Variants in NPRL3 observed in about 807,000 individuals in gnomAD.
NPRL3 encodes NPR3 like, GATOR1 complex subunit, also known as GATOR1 complex protein NPRL3.
In NPRL3, 23 loss-of-function variants were observed where a neutral mutation model predicts 57.2. The ratio of observed to expected loss-of-function variants is 0.40; its 90% CI spans 0.29 to 0.57. The LOEUF (loss-of-function observed/expected upper bound fraction) is 0.57. NPRL3 is among the 20% of genes least tolerant of loss of function. NPRL3 has a pLI of 0.42. For missense variants in NPRL3, 691 were observed against 767.1 expected (o/e 0.90, Z 1.17); for synonymous variants, 333 against 321.1 (o/e 1.04, Z -0.39).
Position 86,514 on chromosome 16 carries a change from C to T in NPRL3, c.*191G>A. The stretch of plus-strand genomic sequence containing the variant: ...CGTAGGAACACAGAGGGCAGCAGCC[C>T]CACAGCGGAACCACCAGGGGCAAGG... On this transcript the variant is annotated 3_prime_UTR_variant, in exon 14 of 14. Coordinates refer to ENST00000611875, the MANE Select transcript of NPRL3 (RefSeq NM_001077350.3). 1.7e-6 allele frequency: 1 copy of T among 600,920 alleles called. No individual in the cohort carries two copies. 37.2% of individuals were successfully genotyped at this position (600,920 alleles called of 1,614,324 possible).
intron 3 of NPRL3, 75 bp from the exon 4 acceptor site, chr16:119,330 C>A: frequency 2.1e-6 from 3 of 1,455,622 alleles, no homozygotes; most frequent in Admixed American, 2.0e-5. Flanking sequence ...GGCCCCAGAG[C>A]GGAAGGGTCT....
chr16:122,963 C>T (rs1026462911), intron 3 of NPRL3, among the ~76,000 whole-genome samples: 2 of 152,188 alleles, frequency 1.3e-5, no homozygotes, highest in African/African-American at 4.8e-5. Flanking sequence ...GCCCGTCATC[C>T]GTGCCCTCCT....
At position 86,792 on chromosome 16, in the gene NPRL3, G is replaced by A. The variant is rs1381874761; in HGVS notation, c.1623C>T (p.Leu541=). The A allele has an allele frequency of 5.6e-6, 9 of 1,610,420 alleles. No individual in the cohort carries two copies. In the Admixed American group the frequency reaches 8.4e-5, roughly 15 times the overall value. The part of the protein sequence containing the change: ...YNENTRRSQL[L]MLFDKFRSVL... Reference sequence around the variant, plus strand: ...CGCTGCGGAACTTGTCAAACAGCATGAGCAGCTGGGAGCGCCGCGTGTTCT... The same window carrying A: ...CGCTGCGGAACTTGTCAAACAGCATAAGCAGCTGGGAGCGCCGCGTGTTCT... The change falls in exon 14 of 14, where the codon CTC becomes CTT. Residue 541 remains leucine (L), a synonymous_variant. Transcript: ENST00000611875.
At chr16:104,292 C>CA (rs1360175852) in intron 7 of NPRL3, among the ~76,000 whole-genome samples, 38 of 151,062 alleles carry the variant, frequency 2.5e-4, no homozygotes, top group Non-Finnish European at 1.8e-4. Flanking sequence ...GACCCTGTCT[C>CA]AAAAAAAATT....
chr16:94,353 C>T (rs968966439), intron 9 of NPRL3, among the ~76,000 whole-genome samples: 3 of 152,242 alleles, frequency 2.0e-5, no homozygotes, highest in Non-Finnish European at 4.4e-5. Flanking sequence ...GCCCAGGACA[C>T]CACTCCACCC....
At chr16:94,841 G>A (rs1233580326) in intron 9 of NPRL3, among the ~76,000 whole-genome samples, 1 of 152,086 alleles carries the variant, frequency 6.6e-6, no homozygotes, top group Non-Finnish European at 1.5e-5. Flanking sequence ...CCCCAGCTCT[G>A]CTCAGCATAG....
rs369667817 is a variant in NPRL3 at position 105,572 on chromosome 16, G to C, written c.629+4953C>G. Among the ~76,000 whole-genome samples the C allele has an allele frequency of 5.7e-4, 87 of 152,306 alleles. 1 individual carries two copies. Among genetic ancestry groups the C allele is most frequent in the Middle Eastern group, 3.4e-3 (1 of 294 alleles). ...TGCTCTCGACAGTTTGCAGTGCAAGGCTCCGCACCAAGTACCACCTACCCA... is the reference window on the plus strand; with the variant it reads ...TGCTCTCGACAGTTTGCAGTGCAAGCCTCCGCACCAAGTACCACCTACCCA... On this transcript the variant is annotated intron_variant, in intron 7 of 13. Coordinates refer to ENST00000611875, the MANE Select transcript of NPRL3 (RefSeq NM_001077350.3).
intron 3 of NPRL3, among the ~76,000 whole-genome samples, chr16:123,284 G>C (rs1900357816): frequency 6.6e-6 from 1 of 152,056 alleles, no homozygotes; most frequent in Non-Finnish European, 1.5e-5. Flanking sequence ...GCCATGCCTT[G>C]GCCTCTCAGG....
At chr16:100,546 C>A (rs1899237742) in intron 7 of NPRL3, 37 bp from the exon 8 acceptor site, 1 of 1,484,402 alleles carries the variant, frequency 6.7e-7, no homozygotes, top group Non-Finnish European at 9.0e-7. Context: ...TTCACATAAA[C>A]TTTCTAACCA....
rs1900183713 is a variant in NPRL3 at position 119,246 on chromosome 16, A to G, written c.198T>C (p.Asp66=). The G allele has an allele frequency of 1.2e-6, 2 of 1,606,598 alleles. No individual in the cohort carries two copies. Among genetic ancestry groups the G allele is most frequent in the African/African-American group, 1.3e-5 (1 of 74,762 alleles). Reference sequence around the variant, plus strand: ...TTGCCAAAATTGTTGCCAGAATAACATCTGAAAACCTTAAAATTTAAGAGA... The same window carrying G: ...TTGCCAAAATTGTTGCCAGAATAACGTCTGAAAACCTTAAAATTTAAGAGA... The part of the protein sequence containing the change: ...DEQDGDSRFS[D]VILATILATK... Residue 66 remains aspartate (D), a synonymous_variant, in exon 4 of 14, where the codon GAT becomes GAC. Coordinates refer to ENST00000611875, the MANE Select transcript of NPRL3 (RefSeq NM_001077350.3).
Position 92,684 on chromosome 16 carries a change from G to A in NPRL3, c.1073C>T (p.Ser358Phe), listed in dbSNP as rs1039004556. The change falls in exon 11 of 14, where the codon TCT becomes TTT. Residue 358 changes from serine to phenylalanine, a missense_variant. Ser to Phe is a radical substitution (Grantham distance 155). Coordinates refer to ENST00000611875, the MANE Select transcript of NPRL3 (RefSeq NM_001077350.3). ...LAEQFSHQFP[S>F]HDLPSVLAKF... ...GGCAAGAACGGACGGCAGGTCATGA[G>A]ATGGGAACTGGTGGGAGAACTGCTC... 1 of 1,613,788 alleles carries A rather than the reference G, an allele frequency of 6.2e-7. No individual in the cohort carries two copies. Among genetic ancestry groups the A allele is most frequent in the African/African-American group, 1.3e-5 (1 of 74,950 alleles).
chr16:117,295 A>G lies in NPRL3; in HGVS notation c.393+6T>C. ...CCTGATCTTAACCATTTATATAAAC[A>G]CTCACCCTCAGTGCAAACACCACAT... On this transcript the variant is annotated splice_donor_region_variant and intron_variant, in intron 5 of 13. Coordinates refer to ENST00000611875, the MANE Select transcript of NPRL3 (RefSeq NM_001077350.3). 3 of 1,596,270 alleles carry G rather than the reference A, an allele frequency of 1.9e-6. No homozygotes were observed. Among genetic ancestry groups the G allele is most frequent in the Admixed American group, 3.4e-5 (2 of 59,614 alleles).
chr16:88,372 A>C (rs1351508124), intron 13 of NPRL3, among the ~76,000 whole-genome samples: 7 of 136,336 alleles, frequency 5.1e-5, no homozygotes, highest in Non-Finnish European at 1.1e-4. Flanking sequence ...TGGGTGACAG[A>C]GCGAGACTCC....
In NPRL3 at chr16:86,408, G is replaced by T; in HGVS notation, c.*297C>A. The stretch of plus-strand genomic sequence containing the variant: ...GCCCACATGGGCCTTGAAGGATGCG[G>T]CCTCACCCAGAGACAGGAGTCCTGG... On this transcript the variant is annotated 3_prime_UTR_variant, in exon 14 of 14. Transcript: ENST00000611875. 2.4e-6 allele frequency: 1 copy of T among 413,098 alleles called. No individual in the cohort carries two copies. Among genetic ancestry groups the T allele is most frequent in the East Asian group, 4.0e-5 (1 of 24,824 alleles). 25.6% of individuals were successfully genotyped at this position (413,098 alleles called of 1,614,324 possible). A position where few individuals can be genotyped will look rare whatever the true frequency, so the allele number is the denominator to read the frequency against.
intron 2 of NPRL3, among the ~76,000 whole-genome samples, chr16:131,023 G>A (rs1230504976): frequency 6.6e-6 from 1 of 152,230 alleles, no homozygotes; most frequent in East Asian, 1.9e-4. Flanking sequence ...TCATTAAAAT[G>A]ACAAATCTTA....
rs1468660673 is a variant in NPRL3, at chr16:85,887, T to C, written c.*818A>G. The C allele has an allele frequency of 1.0e-5, 13 of 1,240,148 alleles. No homozygotes were observed. Among genetic ancestry groups the C allele is most frequent in the East Asian group, 2.9e-5 (1 of 34,614 alleles). The allele number at this position is 1,240,148 out of a possible 1,614,324, so 76.8% of individuals were successfully genotyped here. On this transcript the variant is annotated 3_prime_UTR_variant, in exon 14 of 14. Coordinates refer to ENST00000611875, the MANE Select transcript of NPRL3 (RefSeq NM_001077350.3). ...AGCTCCTCTAGGTGATCAACCCATG[T>C]CTGGAGCTAGCTCTTCCTCCAGGAC...
chr16:131,021 A>C (rs1450446908), intron 2 of NPRL3, among the ~76,000 whole-genome samples: 1 of 152,276 alleles, frequency 6.6e-6, no homozygotes, highest in Non-Finnish European at 1.5e-5. Context: ...AATCATTAAA[A>C]TGACAAATCT....
At chr16:106,013 T>G in intron 7 of NPRL3, among the ~76,000 whole-genome samples, 1 of 152,172 alleles carries the variant, frequency 6.6e-6, no homozygotes, top group East Asian at 1.9e-4. Context: ...TAGCTTTAAT[T>G]AAAATAGCAA....
intron 8 of NPRL3, 42 bp downstream of exon 8, chr16:100,330 A>C (rs1899222326): frequency 7.0e-6 from 10 of 1,433,914 alleles, no homozygotes; most frequent in Non-Finnish European, 9.2e-6. Context: ...GCTAAAGGGA[A>C]GGGCCCTGGC....
Sources: allele counts gnomAD v4.1 joint callset (sites outside exome capture counted in the v4.1 genomes callset), GRCh38; gene constraint gnomAD v4.1.1; transcripts MANE v1.5; gene names NCBI Gene and HGNC (gene_info 2026-07-23, HGNC 2026-07-21).